Variants in TNXB observed in about 807,000 individuals in gnomAD.
TNXB encodes tenascin XB.
TNXB carries 183 observed loss-of-function variants against 340.5 expected under a neutral mutation model. The ratio of observed to expected loss-of-function variants is 0.54; its 90% CI spans 0.48 to 0.61. TNXB has a LOEUF of 0.61. Ranked by LOEUF, TNXB falls within the 20% of genes least tolerant of loss-of-function variation. The pLI, the probability that TNXB is intolerant of heterozygous loss-of-function variation, is 0.00. For synonymous variants in TNXB, 2,121 were observed against 2,314.5 expected, an observed-to-expected ratio of 0.92 and a Z score of 2.40; for missense variants, 4,613 against 5,446.4, an observed-to-expected ratio of 0.85 and a Z score of 4.82.
Position 32,046,721 on chromosome 6 carries a change from CA to C in TNXB, c.10325-266del, listed in dbSNP as rs1304291971. ...GATCGAGGATGCGCCAAATTCATTA[CA>C]GATCATCTCCCGAGGGATGGGTGGC... On this transcript the variant is annotated intron_variant, in intron 30 of 43. Transcript: ENST00000644971. This position sits in a 1 kb window ranked among gnomAD's most constrained non-coding sequence, Gnocchi z 6.9. The C allele has an allele frequency of 2.5e-6, 1 of 395,690 alleles. No homozygotes were observed. The highest frequency in any genetic ancestry group is 4.5e-6 in the Non-Finnish European group (1 of 220,718). The allele number at this position is 395,690 out of a possible 1,614,324, so 24.5% of individuals were successfully genotyped here. A position where few individuals can be genotyped will look rare whatever the true frequency, so the allele number is the denominator to read the frequency against.
chr6:32,096,159 C>T lies in TNXB; in HGVS notation c.1694G>A (p.Gly565Asp). 6.3e-7 allele frequency: 1 copy of T among 1,582,238 alleles called. No homozygotes were observed. The change falls in exon 3 of 44, where the codon GGC becomes GAC. Residue 565 changes from glycine (G) to aspartate (D), a missense_variant. Gly to Asp is a moderately conservative substitution (Grantham distance 94). Transcript: ENST00000644971. ...STRSCPGGCR[G>D]RGQCLDGRCV... ...CCGCCCATCTAGGCACTGGCCGCGG[C>T]CTCGGCAGCCCCCGGGGCAGCTGCG...
At chr6:32,106,870 GTACACT>G (rs1022601710) in intron 1 of TNXB, among the ~76,000 whole-genome samples, 5 of 152,206 alleles carry the variant, frequency 3.3e-5, no homozygotes, top group Non-Finnish European at 7.3e-5. Context: ...GTGTACACAT[GTACACT>G]TACAAATATA....
intron 4 of TNXB, among the ~76,000 whole-genome samples, chr6:32,094,294 G>GAA (rs772260386): frequency 7.1e-6 from 1 of 141,058 alleles, no homozygotes. Flanking sequence ...ATATTTAGGT[G>GAA]AAAAAAAAAA....
intron 3 of TNXB, 68 bp from the exon 4 acceptor site, chr6:32,095,259 T>C: frequency 2.4e-6 from 3 of 1,235,758 alleles, no homozygotes; most frequent in Non-Finnish European, 3.5e-6. Context: ...ACAGCCCCTT[T>C]TACTCAGGGA....
In TNXB at chr6:32,070,876, G is replaced by C. The variant is rs145493895; in HGVS notation, c.4991-462C>G. On this transcript the variant is annotated intron_variant, in intron 13 of 43. Coordinates refer to ENST00000644971, the MANE Select transcript of TNXB (RefSeq NM_001365276.2). The surrounding 1 kb of genome is among the most constrained non-coding windows in gnomAD (Gnocchi z 6.0). ...GCAGGTCAGGGAGGCAGGATGTTAC[G>C]ACACAGGTAGTTCTCACCCTTCTCC... Among the ~76,000 whole-genome samples, 18 of 152,320 alleles carry C rather than the reference G, an allele frequency of 1.2e-4. No homozygotes were observed. The highest frequency in any genetic ancestry group is 2.4e-4 in the Non-Finnish European group (16 of 68,006).
intron 4 of TNXB, 132 bp downstream of exon 4, chr6:32,094,944 C>A (rs1780246073): frequency 2.8e-6 from 2 of 706,736 alleles, no homozygotes; most frequent in Non-Finnish European, 4.9e-6. Context: ...GCTAAGAAAG[C>A]CTTTACAGCA....
At chr6:32,056,308 G>T in intron 23 of TNXB, 134 bp from the exon 24 acceptor site, 1 of 1,248,218 alleles carries the variant, frequency 8.0e-7, no homozygotes, top group Non-Finnish European at 1.1e-6. Flanking sequence ...TTGGGGCTGG[G>T]TGGTCCTGCT....
chr6:32,077,793 A>G lies in TNXB; in HGVS notation c.4375+1240T>C, dbSNP rs1779160805. Among the ~76,000 whole-genome samples the G allele has an allele frequency of 2.0e-5, 3 of 152,254 alleles. No individual in the cohort carries two copies. In the South Asian group the frequency reaches 6.2e-4, roughly 32 times the overall value. On this transcript the variant is annotated intron_variant, in intron 11 of 43. Transcript: ENST00000644971. ...TATAATCCCAGCACTTTGGAAGGCCAAGGCGGGTGGATCACTTGAGGTCAA... is the reference window on the plus strand; with the variant it reads ...TATAATCCCAGCACTTTGGAAGGCCGAGGCGGGTGGATCACTTGAGGTCAA...
intron 11 of TNXB, among the ~76,000 whole-genome samples, chr6:32,077,095 C>T (rs927873594): frequency 2.6e-5 from 4 of 152,262 alleles, no homozygotes; most frequent in African/African-American, 9.6e-5. Context: ...ACTGCACCGA[C>T]TTGGTCAGTG....
Position 32,073,419 on chromosome 6 carries a change from G to A in TNXB, c.4681+228C>T, listed in dbSNP as rs1353778018. Among the ~76,000 whole-genome samples, 8 of 152,140 alleles carry A rather than the reference G, an allele frequency of 5.3e-5. No homozygotes were observed. The highest frequency in any genetic ancestry group is 8.8e-5 in the Non-Finnish European group (6 of 68,022). ...AAATAAGACATTCCCCTGGGCGGGG[G>A]GCAGAGTGGAGATGGGGAAGGAGCT... On this transcript the variant is annotated intron_variant, in intron 12 of 43. Transcript: ENST00000644971. This position sits in a 1 kb window ranked among gnomAD's most constrained non-coding sequence, Gnocchi z 4.6.
At position 32,097,935 on chromosome 6, in the gene TNXB, G is replaced by C; in HGVS notation, c.264C>G (p.Pro88=). The C allele has an allele frequency of 1.3e-6, 2 of 1,593,106 alleles. No homozygotes were observed. Among genetic ancestry groups the C allele is most frequent in the Non-Finnish European group, 1.7e-6 (2 of 1,166,762 alleles). The part of the protein sequence containing the change: ...NLPPSTGCGC[P]PGTEPPVLAS... ...CAAGGACTGGGGGCTCGGTGCCTGG[G>C]GGACAGCCACAGCCAGTGGAAGGGG... Residue 88 remains proline (P), a synonymous_variant, in exon 2 of 44, where the codon CCC becomes CCG. Transcript: ENST00000644971. The surrounding 1 kb of genome is among the most constrained non-coding windows in gnomAD (Gnocchi z 5.9).
chr6:32,046,699 CGAG>C lies in TNXB; in HGVS notation c.10325-246_10325-244del, dbSNP rs979488966. On this transcript the variant is annotated intron_variant, in intron 30 of 43. Coordinates refer to ENST00000644971, the MANE Select transcript of TNXB (RefSeq NM_001365276.2). The surrounding 1 kb of genome is among the most constrained non-coding windows in gnomAD (Gnocchi z 6.9). ...TGCCCCGCCCCTTCCCTGCTGTGAT[CGAG>C]GATGCGCCAAATTCATTACAGATCA... 2 of 430,522 alleles carry C rather than the reference CGAG, an allele frequency of 4.6e-6. No individual in the cohort carries two copies. The highest frequency in any genetic ancestry group is 8.3e-6 in the Non-Finnish European group (2 of 241,886). The allele number at this position is 430,522 out of a possible 1,614,324, so 26.7% of individuals were successfully genotyped here.
At chr6:32,048,332 T>C (rs776260811) in intron 29 of TNXB, 31 bp downstream of exon 29, 1 of 1,475,284 alleles carries the variant, frequency 6.8e-7, no homozygotes, top group Non-Finnish European at 9.0e-7. Flanking sequence ...GCGAAGGCTC[T>C]GGCCGCGGGA....
chr6:32,097,468 G>A lies in TNXB; in HGVS notation c.404-19C>T. On this transcript the variant is annotated intron_variant, in intron 2 of 43. Coordinates refer to ENST00000644971, the MANE Select transcript of TNXB (RefSeq NM_001365276.2). The surrounding 1 kb of genome is among the most constrained non-coding windows in gnomAD (Gnocchi z 5.9). ...GTCTGACCTGGAGTAGGAGGGGAGA[G>A]GCAAGTCTCAGTCTCTCTCCTGGGA... 6.3e-7 allele frequency: 1 copy of A among 1,576,906 alleles called. No individual in the cohort carries two copies.
At chr6:32,104,091 G>A (rs1780859678) in intron 1 of TNXB, among the ~76,000 whole-genome samples, 1 of 152,074 alleles carries the variant, frequency 6.6e-6, no homozygotes, top group Admixed American at 6.5e-5. Flanking sequence ...AGGGATATGA[G>A]GCTCTGCAAC....
chr6:32,067,132 G>GAAGAGAGAAAGAAAGAAAGAAAGAAAGA lies in TNXB; in HGVS notation c.6544+528_6544+529insTCTTTCTTTCTTTCTTTCTTTCTCTCTT, dbSNP rs1778401347. 8.5e-6 allele frequency among the ~76,000 whole-genome samples: 1 copy of GAAGAGAGAAAGAAAGAAAGAAAGAAAGA among 117,996 alleles called. No homozygotes were observed. The highest frequency in any genetic ancestry group is 1.7e-5 in the Non-Finnish European group (1 of 57,314). The allele number at this position is 117,996 out of a possible 152,430, so 77.4% of individuals were successfully genotyped here. On this transcript the variant is annotated intron_variant, in intron 18 of 43. Coordinates refer to ENST00000644971, the MANE Select transcript of TNXB (RefSeq NM_001365276.2). The surrounding 1 kb of genome is among the most constrained non-coding windows in gnomAD (Gnocchi z 4.2). ...AAGAAAGAGAAAGAAAGAAAGGAAGGAAGAAAGAAAGAAAGAAAGAAAGAA... is the reference window on the plus strand; with the variant it reads ...AAGAAAGAGAAAGAAAGAAAGGAAGGAAGAGAGAAAGAAAGAAAGAAAGAAAGAAAGAAAGAAAGAAAGAAAGAAAGAA...
intron 13 of TNXB, among the ~76,000 whole-genome samples, chr6:32,071,414 C>A (rs1191594259): frequency 3.3e-5 from 5 of 151,996 alleles, no homozygotes; most frequent in Non-Finnish European, 7.4e-5. Flanking sequence ...CTTCTCCCAG[C>A]ACCCCCAGGC....
Position 32,087,578 on chromosome 6 carries a change from C to A in TNXB, c.2779+1207G>T. ...AGGCCGTAGATTCCCTGGTTGGAGTCCCGTTTCCTGGTGCCGGGATCAGGG... is the reference window on the plus strand; with the variant it reads ...AGGCCGTAGATTCCCTGGTTGGAGTACCGTTTCCTGGTGCCGGGATCAGGG... On this transcript the variant is annotated intron_variant, in intron 6 of 43. Coordinates refer to ENST00000644971, the MANE Select transcript of TNXB (RefSeq NM_001365276.2). This position sits in a 1 kb window ranked among gnomAD's most constrained non-coding sequence, Gnocchi z 9.0. The A allele has an allele frequency of 2.4e-6, 1 of 410,334 alleles. No homozygotes were observed. Among genetic ancestry groups the A allele is most frequent in the South Asian group, 1.7e-5 (1 of 58,444 alleles). 25.4% of individuals were successfully genotyped at this position (410,334 alleles called of 1,614,324 possible). A position where few individuals can be genotyped will look rare whatever the true frequency, so the allele number is the denominator to read the frequency against.
Position 32,097,516 on chromosome 6 carries a change from C to T in TNXB, c.404-67G>A. 1 of 1,524,644 alleles carries T rather than the reference C, an allele frequency of 6.6e-7. No individual in the cohort carries two copies. Among genetic ancestry groups the T allele is most frequent in the Non-Finnish European group, 8.8e-7 (1 of 1,137,372 alleles). 94.4% of individuals were successfully genotyped at this position (1,524,644 alleles called of 1,614,324 possible). ...GGAGAGAGGCTGAGCCTATGTAGTG[C>T]TCCTATGTGCAGGCCCCTAGCCAGG... On this transcript the variant is annotated intron_variant, in intron 2 of 43. Transcript: ENST00000644971. This position sits in a 1 kb window ranked among gnomAD's most constrained non-coding sequence, Gnocchi z 5.9.
Sources: gnomAD v4.1 joint callset for allele counts (sites outside exome capture counted in the v4.1 genomes callset) on GRCh38, gnomAD v4.1.1 for gene constraint, Gnocchi (gnomAD v3.1) non-coding constraint, MANE v1.5 for transcripts, NCBI Gene and HGNC (gene_info 2026-07-23, HGNC 2026-07-21) for gene names.